EPSTI1: variants seen among roughly 807,000 people sequenced by gnomAD.
EPSTI1 encodes epithelial stromal interaction 1.
Under a neutral mutation model 49.9 loss-of-function variants are expected in EPSTI1, and 66 were observed. That is an observed-to-expected ratio of 1.32 (90% CI 1.08 to 1.62). The LOEUF (loss-of-function observed/expected upper bound fraction) is 1.62, where lower values mean the gene tolerates loss of function less well. Among genes scored for constraint, EPSTI1 ranks in the 40% most tolerant of loss-of-function variants. EPSTI1 has a pLI of 0.00. For missense variants in EPSTI1, 394 were observed against 365.5 expected, an observed-to-expected ratio of 1.08 and a Z score of -0.64; for synonymous variants, 137 against 130.7, an observed-to-expected ratio of 1.05 and a Z score of -0.33.
intron 6 of EPSTI1, among the ~76,000 whole-genome samples, chr13:42,949,973 A>T (rs1317153764): frequency 1.3e-5 from 2 of 152,236 alleles, no homozygotes; most frequent in Admixed American, 1.3e-4. Flanking sequence ...AGGCTTATCA[A>T]CTGTTACTTC....
intron 6 of EPSTI1, among the ~76,000 whole-genome samples, chr13:42,940,456 C>T (rs945916433): frequency 6.6e-6 from 1 of 152,218 alleles, no homozygotes; most frequent in African/African-American, 2.4e-5. Flanking sequence ...TCTTTGTCAG[C>T]TTGTCTATTT....
chr13:42,974,740 TA>T (rs2039847985), intron 1 of EPSTI1, among the ~76,000 whole-genome samples: 1 of 152,238 alleles, frequency 6.6e-6, no homozygotes, highest in African/African-American at 2.4e-5. Flanking sequence ...GCACAATTTT[TA>T]TAACTTTTTA....
At chr13:42,987,534 A>C (rs1463638074) in intron 1 of EPSTI1, among the ~76,000 whole-genome samples, 1 of 151,924 alleles carries the variant, frequency 6.6e-6, no homozygotes, top group Non-Finnish European at 1.5e-5. Flanking sequence ...ATGTGGCCCA[A>C]CACAAATTCA....
rs534166553 is a variant in EPSTI1, at chr13:42,922,216, A to G, written c.657+4120T>C. Among the ~76,000 whole-genome samples the G allele has an allele frequency of 3.3e-5, 5 of 152,362 alleles. 1 individual carries two copies. The highest frequency in any genetic ancestry group is 1.2e-4 in the African/African-American group (5 of 41,602). ...TAACAGATATTCGGAGCTAACTAAG[A>G]AAAGAAACAGGTGGTGGGTTGCATA... On this transcript the variant is annotated intron_variant, in intron 7 of 10. Transcript: ENST00000313624. The surrounding 1 kb of genome is among the most constrained non-coding windows in gnomAD (Gnocchi z 4.8).
intron 6 of EPSTI1, among the ~76,000 whole-genome samples, chr13:42,928,063 G>A (rs1398393169): frequency 6.6e-6 from 1 of 152,204 alleles, no homozygotes; most frequent in Non-Finnish European, 1.5e-5. Flanking sequence ...GCTGCCTGCA[G>A]AGCCAGCCTC....
chr13:42,889,385 T>TG (rs1462948706), intron 10 of EPSTI1: 1 of 541,914 alleles, frequency 1.8e-6, no homozygotes, highest in East Asian at 3.4e-5. Context: ...ACACACTTAT[T>TG]GGGGGCCTAC....
At chr13:42,975,076 TAATC>T (rs993104560) in intron 1 of EPSTI1, among the ~76,000 whole-genome samples, 10 of 152,308 alleles carry the variant, frequency 6.6e-5, no homozygotes, top group African/African-American at 2.4e-4. Context: ...GACTTAGAGA[TAATC>T]AAAGGCATTT....
At chr13:42,972,105 C>CG (rs2039781958) in intron 1 of EPSTI1, among the ~76,000 whole-genome samples, 1 of 152,166 alleles carries the variant, frequency 6.6e-6, no homozygotes, top group African/African-American at 2.4e-5. Flanking sequence ...AGCCATGCTA[C>CG]AGAGACTGAA....
At chr13:42,909,599 T>C (rs926039596) in intron 8 of EPSTI1, among the ~76,000 whole-genome samples, 4 of 151,776 alleles carry the variant, frequency 2.6e-5, no homozygotes, top group African/African-American at 9.7e-5. Context: ...TATTCCACCA[T>C]AAAAAGAAGG....
intron 1 of EPSTI1, among the ~76,000 whole-genome samples, chr13:42,976,100 C>T (rs1177556701): frequency 6.6e-6 from 1 of 152,216 alleles, no homozygotes; most frequent in Non-Finnish European, 1.5e-5. Flanking sequence ...GTTTCACAGA[C>T]ACTGGCAGAA....
chr13:42,925,632 T>C (rs1416489017), intron 7 of EPSTI1, among the ~76,000 whole-genome samples: 1 of 152,212 alleles, frequency 6.6e-6, no homozygotes. Context: ...TATATCCTTC[T>C]AGCTCACTTT....
chr13:42,889,629 T>A (rs1366194942), intron 10 of EPSTI1, among the ~76,000 whole-genome samples: 1 of 152,218 alleles, frequency 6.6e-6, no homozygotes, highest in African/African-American at 2.4e-5. Context: ...TAATAGTAAT[T>A]CAAATATATT....
intron 8 of EPSTI1, among the ~76,000 whole-genome samples, chr13:42,909,531 C>G (rs1441625767): frequency 1.3e-5 from 2 of 152,166 alleles, no homozygotes; most frequent in African/African-American, 2.4e-5. Flanking sequence ...GATATGGAAT[C>G]AACCTAAGTG....
At chr13:42,900,764 C>T (rs1384460435) in intron 8 of EPSTI1, among the ~76,000 whole-genome samples, 1 of 152,060 alleles carries the variant, frequency 6.6e-6, no homozygotes, top group Non-Finnish European at 1.5e-5. Context: ...TGGTATTTCT[C>T]TAGCATTTCT....
chr13:42,952,198 C>T (rs1481731812), intron 6 of EPSTI1, among the ~76,000 whole-genome samples: 2 of 152,174 alleles, frequency 1.3e-5, no homozygotes, highest in Non-Finnish European at 2.9e-5. Flanking sequence ...AAGCTGGCCA[C>T]CCCAGCCAGC....
intron 6 of EPSTI1, among the ~76,000 whole-genome samples, chr13:42,952,058 C>T (rs1164074516): frequency 1.3e-5 from 2 of 152,162 alleles, no homozygotes; most frequent in Non-Finnish European, 2.9e-5. Context: ...TAAAAATGCA[C>T]CAATCAGCGC....
intron 7 of EPSTI1, among the ~76,000 whole-genome samples, chr13:42,921,804 G>A (rs201421210): frequency 3.3e-5 from 5 of 151,930 alleles, no homozygotes. Context: ...ACAGCTGTGC[G>A]CCAGGCTTAC....
At chr13:42,967,855 A>T (rs73470189) in intron 3 of EPSTI1, among the ~76,000 whole-genome samples, 171 of 152,282 alleles carry the variant, frequency 1.1e-3, no homozygotes, top group African/African-American at 3.9e-3. Context: ...GAAAGGTCAG[A>T]ATCTGGGAAC....
chr13:42,920,202 A>C (rs895188256), intron 7 of EPSTI1, among the ~76,000 whole-genome samples: 2 of 152,284 alleles, frequency 1.3e-5, no homozygotes, highest in East Asian at 3.9e-4. Context: ...CTTCCACATA[A>C]ATTTTGAGAA....
Sources: allele counts gnomAD v4.1 joint callset (sites outside exome capture counted in the v4.1 genomes callset), GRCh38; gene constraint gnomAD v4.1.1; non-coding constraint Gnocchi (gnomAD v3.1); transcripts MANE v1.5; gene names NCBI Gene and HGNC (gene_info 2026-07-23, HGNC 2026-07-21).